Variants in MLIP observed in about 807,000 individuals in gnomAD.
The protein encoded by MLIP is muscular LMNA-interacting protein.
MLIP carries 79 observed loss-of-function variants against 84.8 expected under a neutral mutation model. The observed-to-expected ratio is 0.93, with a 90% CI of 0.78 to 1.12. The LOEUF is 1.12. Ranked by LOEUF, MLIP falls within the 50% of genes most tolerant of loss-of-function variation. The pLI, the probability that MLIP is intolerant of heterozygous loss-of-function variation, is 0.00. For missense variants in MLIP, 1,257 were observed against 1,160.6 expected, an observed-to-expected ratio of 1.08 and a Z score of -1.21; for synonymous variants, 504 against 463.0, an observed-to-expected ratio of 1.09 and a Z score of -1.14.
At chr6:54,234,978 T>C (rs1292501073) in intron 12 of MLIP, among the ~76,000 whole-genome samples, 4 of 152,208 alleles carry the variant, frequency 2.6e-5, no homozygotes, top group Admixed American at 6.5e-5. Context: ...TTCGTATCTT[T>C]AGCTGCTTGC....
intron 1 of MLIP, among the ~76,000 whole-genome samples, chr6:54,085,245 G>A (rs1283527563): frequency 6.6e-6 from 1 of 152,142 alleles, no homozygotes; most frequent in Admixed American, 6.6e-5. Flanking sequence ...CCTCTGAGAG[G>A]CATTGAGAAA....
chr6:54,263,672 A>G (rs1783525123), intron 13 of MLIP, among the ~76,000 whole-genome samples: 1 of 152,062 alleles, frequency 6.6e-6, no homozygotes, highest in African/African-American at 2.4e-5. Flanking sequence ...CATTGGCTTA[A>G]TGTTTCAGAA....
chr6:54,176,704 A>G (rs2150618895), intron 9 of MLIP, among the ~76,000 whole-genome samples: 1 of 152,158 alleles, frequency 6.6e-6, no homozygotes, highest in Middle Eastern at 3.4e-3. Flanking sequence ...AAAAAAACGT[A>G]AAAGTTCATA....
intron 1 of MLIP, among the ~76,000 whole-genome samples, chr6:54,068,703 A>T: frequency 9.9e-6 from 1 of 101,228 alleles, no homozygotes; most frequent in South Asian, 3.5e-4. Context: ...ATGTATTTTT[A>T]ACCTCGTTTC....
At chr6:54,149,194 T>C in intron 5 of MLIP, 67 bp downstream of exon 5, 1 of 1,406,324 alleles carries the variant, frequency 7.1e-7, no homozygotes, top group Non-Finnish European at 1.0e-6. Flanking sequence ...TTTTCTAAAA[T>C]TTCTGTTGGG....
chr6:54,149,940 A>G (rs146037185), intron 5 of MLIP, among the ~76,000 whole-genome samples: 22 of 152,262 alleles, frequency 1.4e-4, no homozygotes, highest in Admixed American at 1.4e-3. Context: ...CATTTCATAT[A>G]TTATTTTTAT....
chr6:54,106,196 A>C (rs1769000527), intron 1 of MLIP, among the ~76,000 whole-genome samples: 1 of 152,156 alleles, frequency 6.6e-6, no homozygotes, highest in South Asian at 2.1e-4. Flanking sequence ...ATTCCTCTCT[A>C]GAGTTGTTTC....
At chr6:54,148,173 T>C (rs1365637396) in intron 4 of MLIP, among the ~76,000 whole-genome samples, 1 of 152,134 alleles carries the variant, frequency 6.6e-6, no homozygotes, top group Non-Finnish European at 1.5e-5. Context: ...ATTTCCTCAC[T>C]GGTACTGGCC....
Position 54,139,154 on chromosome 6 carries a change from G to T in MLIP, c.2217+868G>T, listed in dbSNP as rs76683900. Among the ~76,000 whole-genome samples, 1,220 of 152,126 alleles carry T rather than the reference G, an allele frequency of 8.0e-3. 18 individuals carry two copies. Among genetic ancestry groups the T allele is most frequent in the African/African-American group, 0.027 (1,133 of 41,480 alleles). On this transcript the variant is annotated intron_variant, in intron 4 of 13. Transcript: ENST00000502396. ...TAGAGTGTGTGTGGTTTCTTTTAAAGGGAAGTAAGAGATTTTTTTTGTCTT... is the reference window on the plus strand; with the variant it reads ...TAGAGTGTGTGTGGTTTCTTTTAAATGGAAGTAAGAGATTTTTTTTGTCTT...
intron 11 of MLIP, among the ~76,000 whole-genome samples, chr6:54,212,467 A>G (rs1379960290): frequency 6.6e-6 from 1 of 152,170 alleles, no homozygotes. Context: ...GAAAGTCTTA[A>G]TTTATTGTTT....
intron 9 of MLIP, among the ~76,000 whole-genome samples, chr6:54,180,094 T>TGTG (rs1562023812): frequency 3.3e-5 from 5 of 152,144 alleles, no homozygotes; most frequent in Non-Finnish European, 5.9e-5. Context: ...ACTTTTTTGT[T>TGTG]GTTGTTGTTT....
chr6:54,231,564 C>G (rs926247721), intron 12 of MLIP, among the ~76,000 whole-genome samples: 5 of 151,958 alleles, frequency 3.3e-5, no homozygotes, highest in African/African-American at 7.3e-5. Flanking sequence ...TAAATGTTTT[C>G]TAGGAACAAG....
chr6:54,244,277 A>G (rs953522057), intron 12 of MLIP, among the ~76,000 whole-genome samples: 2 of 152,236 alleles, frequency 1.3e-5, no homozygotes, highest in African/African-American at 4.8e-5. Context: ...GATAATGGAG[A>G]TTAGATAGCT....
chr6:54,220,568 C>A (rs527517644), intron 11 of MLIP, among the ~76,000 whole-genome samples: 1 of 152,214 alleles, frequency 6.6e-6, no homozygotes, highest in African/African-American at 2.4e-5. Context: ...CTTTGAAGAT[C>A]TGAAAAAGTG....
intron 12 of MLIP, among the ~76,000 whole-genome samples, chr6:54,234,802 G>A (rs1355924047): frequency 6.6e-6 from 1 of 151,994 alleles, no homozygotes; most frequent in Non-Finnish European, 1.5e-5. Context: ...CTAACTTTCC[G>A]ACTGCTCCTT....
intron 12 of MLIP, among the ~76,000 whole-genome samples, chr6:54,254,645 C>T (rs768037491): frequency 3.9e-5 from 6 of 152,088 alleles, no homozygotes; most frequent in Non-Finnish European, 7.4e-5. Context: ...CTTTGCTCAT[C>T]CTGGAAAGTA....
chr6:54,167,581 C>T (rs1034002912), intron 8 of MLIP, among the ~76,000 whole-genome samples: 8 of 151,800 alleles, frequency 5.3e-5, no homozygotes, highest in African/African-American at 9.7e-5. Context: ...TATTTCTGCT[C>T]ATCCTCATTC....
At chr6:54,036,237 CACTG>C (rs1389642734) in intron 1 of MLIP, among the ~76,000 whole-genome samples, 1 of 81,456 alleles carries the variant, frequency 1.2e-5, no homozygotes, top group East Asian at 3.7e-4. Flanking sequence ...AGTTAGTCAC[CACTG>C]TTTTTTTTTT....
intron 3 of MLIP, among the ~76,000 whole-genome samples, chr6:54,131,639 GATTA>G (rs1024660089): frequency 2.6e-5 from 4 of 152,112 alleles, no homozygotes; most frequent in African/African-American, 9.7e-5. Flanking sequence ...TCAGTGCAGT[GATTA>G]TATTGTACAG....
Sources: allele counts gnomAD v4.1 joint callset (sites outside exome capture counted in the v4.1 genomes callset), GRCh38; gene constraint gnomAD v4.1.1; transcripts MANE v1.5; gene names NCBI Gene and HGNC (gene_info 2026-07-23, HGNC 2026-07-21).